Variants in BSND observed in about 807,000 individuals in gnomAD.
BSND encodes the protein barttin.
In BSND, 13 loss-of-function variants were observed where a neutral mutation model predicts 18.8. The ratio of observed to expected loss-of-function variants is 0.69; its 90% CI spans 0.45 to 1.10. The LOEUF (loss-of-function observed/expected upper bound fraction) is 1.10, where lower values mean the gene tolerates loss of function less well. BSND is among the 50% of genes least tolerant of loss of function. The pLI is 0.00. For synonymous variants in BSND, 170 were observed against 161.8 expected (o/e 1.05, Z -0.39); for missense variants, 379 against 416.7 (o/e 0.91, Z 0.79).
chr1:55,017,075 T>C lies in BSND; in HGVS notation c.*8447T>C, dbSNP rs941182787. 1.3e-5 allele frequency among the ~76,000 whole-genome samples: 2 copies of C among 152,234 alleles called. No individual in the cohort carries two copies. Among genetic ancestry groups the C allele is most frequent in the Non-Finnish European group, 2.9e-5 (2 of 68,034 alleles). ...ATCTCCTTCATTGGACGCTAAGCTCTGTGAAGGCAAGGACTCTATTACGTT... is the reference window on the plus strand; with the variant it reads ...ATCTCCTTCATTGGACGCTAAGCTCCGTGAAGGCAAGGACTCTATTACGTT... On this transcript the variant is annotated 3_prime_UTR_variant, in exon 4 of 4. Transcript: ENST00000651561.
chr1:55,002,003 C>A (rs74075304), intron 1 of BSND, among the ~76,000 whole-genome samples: 1,537 of 152,124 alleles, frequency 0.01, 22 homozygotes, highest in African/African-American at 0.034. Context: ...TGGGACACGA[C>A]CAGCTTTGCA....
intron 2 of BSND, 87 bp from the exon 3 acceptor site, chr1:55,006,910 A>G (rs1644393943): frequency 6.3e-7 from 1 of 1,594,952 alleles, no homozygotes; most frequent in South Asian, 1.1e-5. Context: ...AGGGGAGACC[A>G]CATACCCAAA....
chr1:55,007,966 T>TAGTCA (rs1307823777), intron 3 of BSND, among the ~76,000 whole-genome samples: 1 of 152,236 alleles, frequency 6.6e-6, no homozygotes, highest in Non-Finnish European at 1.5e-5. Flanking sequence ...CTGGTTCAGA[T>TAGTCA]AATAGCATAG....
chr1:54,999,230 G>A lies in BSND; in HGVS notation c.44G>A (p.Gly15Glu). ...TTCCGGATCGGCTTCATTGTGCTGG[G>A]GCTTTTCCTGCTGGCCCTCGGTACG... is the stretch of plus-strand genomic sequence containing the variant. ...KTFRIGFIVL[G>E]LFLLALGTFL... Residue 15 changes from glycine (G) to glutamate (E), a missense_variant, in exon 1 of 4, where the codon GGG (glycine) becomes GAG (glutamate). Transcript: ENST00000651561. 6.2e-7 allele frequency: 1 copy of A among 1,614,150 alleles called. No individual in the cohort carries two copies. Among genetic ancestry groups the A allele is most frequent in the South Asian group, 1.1e-5 (1 of 91,088 alleles).
chr1:55,014,763 C>A lies in BSND; in HGVS notation c.*6135C>A, dbSNP rs756973673. On this transcript the variant is annotated 3_prime_UTR_variant, in exon 4 of 4. Coordinates refer to ENST00000651561, the MANE Select transcript of BSND (RefSeq NM_057176.3). ...ATGGCCTGGGTTTTGCATAAGCAAG[C>A]CTGGTGATTCTTAAGTGCTGAAGGG... Among the ~76,000 whole-genome samples the A allele has an allele frequency of 1.3e-5, 2 of 152,140 alleles. No homozygotes were observed. Among genetic ancestry groups the A allele is most frequent in the African/African-American group, 4.8e-5 (2 of 41,406 alleles).
Position 55,008,588 on chromosome 1 carries a change from C to A in BSND, c.923C>A (p.Pro308Gln). 2 of 1,614,142 alleles carry A rather than the reference C, an allele frequency of 1.2e-6. No homozygotes were observed. The highest frequency in any genetic ancestry group is 1.7e-6 in the Non-Finnish European group (2 of 1,180,032). The change falls in exon 4 of 4, where the codon CCG becomes CAG. Residue 308 changes from proline to glutamine, a missense_variant. By Grantham distance (76) the Pro-to-Gln change is moderately conservative. Transcript: ENST00000651561. ...CCAGATGGAGCCGGGGACCTCCTCC[C>A]GGACAAGGAGCTGGGTTTTGAGCCT... is the stretch of plus-strand genomic sequence containing the variant. Reference protein sequence around the residue: ...GLPDGAGDLLPDKELGFEPDT... With the variant: ...GLPDGAGDLLQDKELGFEPDT...
chr1:55,006,850 C>T (rs1570273382), intron 2 of BSND, 147 bp from the exon 3 acceptor site: 2 of 1,177,016 alleles, frequency 1.7e-6, no homozygotes, highest in East Asian at 2.5e-5. Flanking sequence ...TCAGCCTCCT[C>T]ATCCCTGAAA....
rs549345580 is a variant in BSND, at chr1:55,014,755, T to C, written c.*6127T>C. ...AGTCTGGGATGGCCTGGGTTTTGCA[T>C]AAGCAAGCCTGGTGATTCTTAAGTG... On this transcript the variant is annotated 3_prime_UTR_variant, in exon 4 of 4. Coordinates refer to ENST00000651561, the MANE Select transcript of BSND (RefSeq NM_057176.3). Among the ~76,000 whole-genome samples the C allele has an allele frequency of 9.8e-5, 15 of 152,370 alleles. No homozygotes were observed. In the South Asian group the frequency reaches 3.1e-3, roughly 32 times the overall value.
intron 1 of BSND, among the ~76,000 whole-genome samples, chr1:55,004,805 T>C (rs1300890146): frequency 6.6e-6 from 1 of 152,184 alleles, no homozygotes; most frequent in African/African-American, 2.4e-5. Flanking sequence ...TAAATGTTTG[T>C]AGAGTGAATG....
Position 55,008,678 on chromosome 1 carries a change from G to A in BSND, c.*50G>A. The A allele has an allele frequency of 6.2e-7, 1 of 1,613,552 alleles. No individual in the cohort carries two copies. Among genetic ancestry groups the A allele is most frequent in the Non-Finnish European group, 8.5e-7 (1 of 1,179,956 alleles). ...GTCTGGAACTGCTGCTGACCCCTGT[G>A]TGACATCACAGGGCCTCAGTTTCCC... is the stretch of plus-strand genomic sequence containing the variant. On this transcript the variant is annotated 3_prime_UTR_variant, in exon 4 of 4. Coordinates refer to ENST00000651561, the MANE Select transcript of BSND (RefSeq NM_057176.3).
At position 55,017,168 on chromosome 1, in the gene BSND, A is replaced by T. The variant is rs745317144; in HGVS notation, c.*8540A>T. On this transcript the variant is annotated 3_prime_UTR_variant, in exon 4 of 4. Coordinates refer to ENST00000651561, the MANE Select transcript of BSND (RefSeq NM_057176.3). ...GTATCCTCTCAATAAATTGTTGTTA[A>T]ATGAGTGAGTGAGTCTATATATTTT... Among the ~76,000 whole-genome samples the T allele has an allele frequency of 3.5e-4, 54 of 152,340 alleles. No homozygotes were observed. Among genetic ancestry groups the T allele is most frequent in the Non-Finnish European group, 6.9e-4 (47 of 68,026 alleles).
At position 55,014,678 on chromosome 1, in the gene BSND, G is replaced by C. The variant is rs1644440981; in HGVS notation, c.*6050G>C. On this transcript the variant is annotated 3_prime_UTR_variant, in exon 4 of 4. Transcript: ENST00000651561. ...GGACCCAGCTGGGCTGGTGGCATCA[G>C]ACTCTCCTGGGAAACTTTAAAAATC... is the stretch of plus-strand genomic sequence containing the variant. Among the ~76,000 whole-genome samples, 1 of 152,348 alleles carries C rather than the reference G, an allele frequency of 6.6e-6. No individual in the cohort carries two copies. The highest frequency in any genetic ancestry group is 1.5e-5 in the Non-Finnish European group (1 of 68,038).
rs1644419939 is a variant in BSND, at chr1:55,011,059, T to A, written c.*2431T>A. 6.6e-6 allele frequency: 1 copy of A among 152,154 alleles called. No homozygotes were observed. Among genetic ancestry groups the A allele is most frequent in the Non-Finnish European group, 1.5e-5 (1 of 68,038 alleles). The allele number at this position is 152,154 out of a possible 1,614,324, so 9.4% of individuals were successfully genotyped here. A position where few individuals can be genotyped will look rare whatever the true frequency, so the allele number is the denominator to read the frequency against. On this transcript the variant is annotated 3_prime_UTR_variant, in exon 4 of 4. Coordinates refer to ENST00000651561, the MANE Select transcript of BSND (RefSeq NM_057176.3). ...TGTGGTGCTGAATCTCAGGAGTGAT[T>A]CCCCACACCCCTGAACCACAACCGC...
At chr1:55,003,649 A>AAAT (rs1644374461) in intron 1 of BSND, among the ~76,000 whole-genome samples, 1 of 152,188 alleles carries the variant, frequency 6.6e-6, no homozygotes, top group Non-Finnish European at 1.5e-5. Context: ...GGGTCTCAAC[A>AAAT]AATATTTATT....
intron 3 of BSND, 25 bp downstream of exon 3, chr1:55,007,297 G>A: frequency 6.3e-7 from 1 of 1,577,496 alleles, no homozygotes; most frequent in Non-Finnish European, 8.6e-7. Context: ...GGCAGGAGTG[G>A]GGCTTCTGCC....
rs1410582738 is a variant in BSND at position 55,014,062 on chromosome 1, C to T, written c.*5434C>T. 6.6e-6 allele frequency among the ~76,000 whole-genome samples: 1 copy of T among 152,254 alleles called. No homozygotes were observed. Among genetic ancestry groups the T allele is most frequent in the Non-Finnish European group, 1.5e-5 (1 of 68,042 alleles). On this transcript the variant is annotated 3_prime_UTR_variant, in exon 4 of 4. Coordinates refer to ENST00000651561, the MANE Select transcript of BSND (RefSeq NM_057176.3). ...GTGCCCCGCTCTGTCCCCAGCACTT[C>T]TGAATGACTAGCTGTGTGAGTACCA...
chr1:55,007,041 C>T lies in BSND; in HGVS notation c.317C>T (p.Ala106Val), dbSNP rs746259384. Reference protein sequence around the residue: ...PPYVRLWEEAAYDQSLPDFSH... With the variant: ...PPYVRLWEEAVYDQSLPDFSH... Reference sequence around the variant, plus strand: ...TATGTAAGGCTGTGGGAGGAAGCCGCCTATGACCAGAGCCTGCCTGACTTC... The same window carrying T: ...TATGTAAGGCTGTGGGAGGAAGCCGTCTATGACCAGAGCCTGCCTGACTTC... Residue 106 changes from alanine (A) to valine (V), a missense_variant, in exon 3 of 4, where the codon GCC (alanine) becomes GTC (valine). Coordinates refer to ENST00000651561, the MANE Select transcript of BSND (RefSeq NM_057176.3). 11 of 1,614,074 alleles carry T rather than the reference C, an allele frequency of 6.8e-6. No individual in the cohort carries two copies. In the East Asian group the frequency reaches 1.3e-4, roughly 20 times the overall value.
In BSND at chr1:54,999,155, G is replaced by A. The variant is rs1644347897; in HGVS notation, c.-32G>A. On this transcript the variant is annotated 5_prime_UTR_variant, in exon 1 of 4. Coordinates refer to ENST00000651561, the MANE Select transcript of BSND (RefSeq NM_057176.3). The stretch of plus-strand genomic sequence containing the variant: ...GAACTACAGCCACCCCCTCTCCCGG[G>A]GGTGTGCAGGCCAGGGACTGGCCAG... 1.2e-6 allele frequency: 2 copies of A among 1,612,830 alleles called. No individual in the cohort carries two copies. Among genetic ancestry groups the A allele is most frequent in the East Asian group, 2.2e-5 (1 of 44,884 alleles).
chr1:55,006,068 C>A (rs1362566990), intron 2 of BSND, among the ~76,000 whole-genome samples: 5 of 152,250 alleles, frequency 3.3e-5, no homozygotes, highest in Non-Finnish European at 5.9e-5. Flanking sequence ...GGAGGCCGGG[C>A]TTCAAGCCCA....
Sources: allele counts gnomAD v4.1 joint callset (sites outside exome capture counted in the v4.1 genomes callset), GRCh38; gene constraint gnomAD v4.1.1; transcripts MANE v1.5; gene names NCBI Gene and HGNC (gene_info 2026-07-23, HGNC 2026-07-21).